CACNA1D: variants seen among roughly 807,000 people sequenced by gnomAD.
CACNA1D encodes the protein calcium voltage-gated channel subunit alpha1 D.
CACNA1D carries 55 observed loss-of-function variants against 257.1 expected under a neutral mutation model. The ratio of observed to expected loss-of-function variants is 0.21; its 90% CI spans 0.17 to 0.27. CACNA1D has a LOEUF of 0.27. Ranked by LOEUF, CACNA1D falls within the 10% of genes least tolerant of loss-of-function variation. The pLI, the probability that CACNA1D is intolerant of heterozygous loss-of-function variation, is 1.00. For missense variants in CACNA1D, 1,876 were observed against 2,784.0 expected (o/e 0.67, Z 7.34); for synonymous variants, 980 against 1,014.9 (o/e 0.97, Z 0.65).
intron 3 of CACNA1D, among the ~76,000 whole-genome samples, chr3:53,610,449 G>A (rs1470425686): frequency 6.6e-6 from 1 of 152,122 alleles, no homozygotes; most frequent in Non-Finnish European, 1.5e-5. Context: ...GGGTTGTTAT[G>A]TTTCCTTGAT....
intron 8 of CACNA1D, among the ~76,000 whole-genome samples, chr3:53,697,457 T>C (rs1313566064): frequency 1.3e-5 from 2 of 152,258 alleles, no homozygotes; most frequent in Non-Finnish European, 2.9e-5. Context: ...CGTTCCTGCC[T>C]GCAAGGAGCT....
chr3:53,726,386 C>A (rs1681462359), intron 14 of CACNA1D, among the ~76,000 whole-genome samples: 1 of 152,164 alleles, frequency 6.6e-6, no homozygotes, highest in Non-Finnish European at 1.5e-5. Flanking sequence ...GCCTGTAATC[C>A]CAGCACTTTG....
intron 3 of CACNA1D, among the ~76,000 whole-genome samples, chr3:53,562,660 C>CA (rs1559845284): frequency 1.3e-5 from 2 of 152,074 alleles, no homozygotes; most frequent in African/African-American, 2.4e-5. Flanking sequence ...TGCCTCCCCC[C>CA]CCAAATTCTC....
chr3:53,670,056 C>T (rs187575123), intron 7 of CACNA1D, among the ~76,000 whole-genome samples: 91 of 152,252 alleles, frequency 6.0e-4, no homozygotes, highest in Admixed American at 9.8e-4. Flanking sequence ...TAAATAATTT[C>T]GGTGTCTTGT....
At chr3:53,574,033 A>G (rs1484637836) in intron 3 of CACNA1D, among the ~76,000 whole-genome samples, 1 of 152,182 alleles carries the variant, frequency 6.6e-6, no homozygotes, top group East Asian at 1.9e-4. Context: ...TTGGAGGCCC[A>G]GGGGGTCCTT....
At position 53,776,964 on chromosome 3, in the gene CACNA1D, T is replaced by C; in HGVS notation, c.4587+8T>C. ...CACAGGGTAGCGTGCAAGGTGAGTG[T>C]CCTGTGTGCGTGTCTGACAGCCTGT... On this transcript the variant is annotated splice_region_variant and intron_variant, in intron 37 of 47. Coordinates refer to ENST00000350061, the MANE Select transcript of CACNA1D (RefSeq NM_001128840.3). 6.2e-7 allele frequency: 1 copy of C among 1,601,288 alleles called. No homozygotes were observed.
chr3:53,589,988 T>A (rs1451727743), intron 3 of CACNA1D, among the ~76,000 whole-genome samples: 2 of 152,202 alleles, frequency 1.3e-5, no homozygotes, highest in African/African-American at 4.8e-5. Flanking sequence ...AGGGCCTGTT[T>A]TCCCTGCAGA....
At chr3:53,609,475 G>T (rs897613286) in intron 3 of CACNA1D, among the ~76,000 whole-genome samples, 1 of 148,772 alleles carries the variant, frequency 6.7e-6, no homozygotes, top group African/African-American at 2.5e-5. Flanking sequence ...CAGATTTTCT[G>T]TTTCTCTTCA....
intron 22 of CACNA1D, 56 bp downstream of exon 22, chr3:53,743,173 G>C (rs2095133778): frequency 4.9e-6 from 5 of 1,017,462 alleles, no homozygotes; most frequent in Non-Finnish European, 7.8e-6. Context: ...TTATGTAAGG[G>C]ATTTTAACAT....
intron 3 of CACNA1D, among the ~76,000 whole-genome samples, chr3:53,546,380 G>GA (rs994050016): frequency 2.0e-5 from 3 of 151,178 alleles, no homozygotes; most frequent in Admixed American, 6.6e-5. Context: ...TTTGGGGTAG[G>GA]GTTCCCCAAA....
intron 8 of CACNA1D, among the ~76,000 whole-genome samples, chr3:53,685,981 T>C (rs920355877): frequency 6.6e-6 from 1 of 152,020 alleles, no homozygotes; most frequent in Non-Finnish European, 1.5e-5. Context: ...TAAAAATTGA[T>C]AAATCTCTAA....
At chr3:53,520,279 T>A (rs2091500181) in intron 3 of CACNA1D, among the ~76,000 whole-genome samples, 1 of 152,218 alleles carries the variant, frequency 6.6e-6, no homozygotes, top group Non-Finnish European at 1.5e-5. Flanking sequence ...AGGTTCCAAT[T>A]TCTGTACGTC....
At chr3:53,557,736 C>A (rs2092672508) in intron 3 of CACNA1D, among the ~76,000 whole-genome samples, 1 of 152,178 alleles carries the variant, frequency 6.6e-6, no homozygotes, top group African/African-American at 2.4e-5. Context: ...GTCCCTTCAC[C>A]AGCACTATAC....
chr3:53,679,474 G>A (rs748231521), intron 8 of CACNA1D: 5 of 151,770 alleles, frequency 3.3e-5, no homozygotes, highest in African/African-American at 9.7e-5. Flanking sequence ...CCAGGATATC[G>A]GCATGATTTG....
In CACNA1D at chr3:53,745,627, G is replaced by A. The variant is rs777229929; in HGVS notation, c.3010G>A (p.Val1004Met). Residue 1004 changes from valine (V) to methionine (M), a missense_variant, in exon 24 of 48, where the codon GTG becomes ATG. Physicochemically the swap from Val to Met is conservative, Grantham distance 21. This residue lies in a region of CACNA1D where 271 missense variants were observed against 425.5 expected (regional missense o/e 0.64). Transcript: ENST00000350061. ...AINRAKGLKH[V>M]VQCVFVAIRT... ...CGCCCCTCTGCCCTCTCCGCAGCACGTGGTCCAGTGCGTCTTCGTGGCCAT... is the reference window on the plus strand; with the variant it reads ...CGCCCCTCTGCCCTCTCCGCAGCACATGGTCCAGTGCGTCTTCGTGGCCAT... The A allele has an allele frequency of 1.9e-6, 3 of 1,606,890 alleles. No individual in the cohort carries two copies. The highest frequency in any genetic ancestry group is 2.6e-6 in the Non-Finnish European group (3 of 1,173,502).
Position 53,776,011 on chromosome 3 carries a change from A to G in CACNA1D, c.4328A>G (p.Tyr1443Cys), listed in dbSNP as rs1464461439. The stretch of plus-strand genomic sequence containing the variant: ...TGTGGGAGCAACTTTGCCATTGTCT[A>G]TTTCATCAGTTTTTACATGCTCTGT... ...YTCGSNFAIV[Y>C]FISFYMLCAF... The change falls in exon 35 of 48, where the codon TAT (tyrosine) becomes TGT (cysteine). Residue 1443 changes from tyrosine to cysteine, a missense_variant. Coordinates refer to ENST00000350061, the MANE Select transcript of CACNA1D (RefSeq NM_001128840.3). 6.2e-7 allele frequency: 1 copy of G among 1,614,090 alleles called. No homozygotes were observed. Among genetic ancestry groups the G allele is most frequent in the Non-Finnish European group, 8.5e-7 (1 of 1,179,974 alleles).
chr3:53,705,999 C>A (rs1006395724), intron 9 of CACNA1D, among the ~76,000 whole-genome samples: 6 of 152,324 alleles, frequency 3.9e-5, no homozygotes, highest in African/African-American at 1.4e-4. Flanking sequence ...GATTAGCAGG[C>A]AGTAGAAATG....
chr3:53,545,726 C>G (rs2092398349), intron 3 of CACNA1D, among the ~76,000 whole-genome samples: 1 of 152,154 alleles, frequency 6.6e-6, no homozygotes, highest in South Asian at 2.1e-4. Flanking sequence ...ATGCAATTAG[C>G]CAAACCTGGA....
At chr3:53,648,091 G>GT (rs1428207604) in intron 3 of CACNA1D, among the ~76,000 whole-genome samples, 1 of 152,182 alleles carries the variant, frequency 6.6e-6, no homozygotes, top group Non-Finnish European at 1.5e-5. Flanking sequence ...TTTGGGAGGT[G>GT]TACTGTCTGT....
Sources: gnomAD v4.1 joint callset for allele counts (sites outside exome capture counted in the v4.1 genomes callset) on GRCh38, gnomAD v4.1.1 for gene constraint, gnomAD v4.1.1 regional missense constraint, MANE v1.5 for transcripts, NCBI Gene and HGNC (gene_info 2026-07-23, HGNC 2026-07-21) for gene names.